Variants in HLA-DMA observed in about 807,000 individuals in gnomAD.
The protein encoded by HLA-DMA is major histocompatibility complex, class II, DM alpha.
In HLA-DMA, 20 loss-of-function variants were observed where a neutral mutation model predicts 27.3. The ratio of observed to expected loss-of-function variants is 0.73; its 90% CI spans 0.52 to 1.07. The LOEUF (loss-of-function observed/expected upper bound fraction) is 1.07. Ranked by LOEUF, HLA-DMA falls within the 50% of genes least tolerant of loss-of-function variation. The pLI is 0.00. For missense variants in HLA-DMA, 241 were observed against 321.7 expected (o/e 0.75, Z 1.92); for synonymous variants, 111 against 126.8 (o/e 0.88, Z 0.83).
intron 1 of HLA-DMA, chr6:32,952,163 G>A (rs1023391929): frequency 2.6e-6 from 1 of 380,778 alleles, no homozygotes; most frequent in African/African-American, 2.1e-5. Flanking sequence ...ATTGACTAGA[G>A]AAGGCCATGG....
rs748221547 is a variant in HLA-DMA, at chr6:32,949,773, G to A, written c.490C>T (p.His164Tyr). ...PPMLTVNWQHHSVPVEGFGPT... is the reference protein window; with the variant it reads ...PPMLTVNWQHYSVPVEGFGPT... ...CCAAATCCTTCCACAGGGACGGAAT[G>A]ATGCTGCCAGTTCACTGTCAGCATG... The change falls in exon 3 of 5, where the codon CAT becomes TAT. Residue 164 changes from histidine to tyrosine, a missense_variant. Transcript: ENST00000374843. This position sits in a 1 kb window ranked among gnomAD's most constrained non-coding sequence, Gnocchi z 5.8. 6.2e-7 allele frequency: 1 copy of A among 1,613,148 alleles called. No individual in the cohort carries two copies. Among genetic ancestry groups the A allele is most frequent in the South Asian group, 1.1e-5 (1 of 91,090 alleles).
rs780510196 is a variant in HLA-DMA, at chr6:32,950,699, C to T, written c.193G>A (p.Glu65Lys). ...PSVGLSEAYDEDQLFFFDFSQ... is the reference protein window; with the variant it reads ...PSVGLSEAYDKDQLFFFDFSQ... ...AAGTCGAAGAAGAAAAGCTGGTCCT[C>T]GTCGTAGGCCTCAGAGAGTCCCACA... Residue 65 changes from glutamate (E) to lysine (K), a missense_variant, in exon 2 of 5, where the codon GAG becomes AAG. Transcript: ENST00000374843. This position sits in a 1 kb window ranked among gnomAD's most constrained non-coding sequence, Gnocchi z 5.0. 2.7e-5 allele frequency: 43 copies of T among 1,612,956 alleles called. No individual in the cohort carries two copies. Among genetic ancestry groups the T allele is most frequent in the Non-Finnish European group, 3.3e-5 (39 of 1,180,042 alleles).
intron 1 of HLA-DMA, chr6:32,952,431 C>T (rs1173461669): frequency 1.1e-5 from 5 of 471,768 alleles, no homozygotes; most frequent in Admixed American, 2.3e-5. Flanking sequence ...CTTTGAAGCT[C>T]TTGGCAGGAA....
intron 1 of HLA-DMA, among the ~76,000 whole-genome samples, chr6:32,951,912 G>C (rs1053390340): frequency 3.9e-5 from 6 of 152,108 alleles, no homozygotes; most frequent in Non-Finnish European, 5.9e-5. Flanking sequence ...CTGGGTGACA[G>C]AGCGAGATGC....
intron 1 of HLA-DMA, among the ~76,000 whole-genome samples, chr6:32,952,129 G>C (rs751447349): frequency 4.6e-5 from 7 of 152,114 alleles, no homozygotes; most frequent in Admixed American, 3.3e-4. Flanking sequence ...GGATTCCTTT[G>C]TCTAATTCAT....
At chr6:32,952,264 C>T (rs1776936506) in intron 1 of HLA-DMA, 2 of 466,500 alleles carry the variant, frequency 4.3e-6, no homozygotes, top group Non-Finnish European at 8.9e-6. Context: ...TCCCCAGACA[C>T]AAATGGTAAA....
Position 32,949,390 on chromosome 6 carries a change from T to C in HLA-DMA, c.662A>G (p.Asn221Ser). The C allele has an allele frequency of 1.2e-6, 2 of 1,613,968 alleles. No homozygotes were observed. Among genetic ancestry groups the C allele is most frequent in the South Asian group, 1.1e-5 (1 of 91,058 alleles). The part of the protein sequence containing the change: ...YTAIAYWVPR[N>S]ALPSDLLENV... ...CTCCAGCAGATCTGAGGGCAGTGCG[T>C]TCCGGGGTACTGGAGGAAATGAGTG... Residue 221 changes from asparagine (N) to serine (S), a missense_variant, in exon 4 of 5, where the codon AAC becomes AGC. Transcript: ENST00000374843. This position sits in a 1 kb window ranked among gnomAD's most constrained non-coding sequence, Gnocchi z 5.8.
chr6:32,949,730 G>A lies in HLA-DMA; in HGVS notation c.533C>T (p.Ala178Val), dbSNP rs914644564. 6.2e-7 allele frequency: 1 copy of A among 1,613,118 alleles called. No individual in the cohort carries two copies. The highest frequency in any genetic ancestry group is 8.5e-7 in the Non-Finnish European group (1 of 1,180,040). ...GGCCTGGAAGCTGAGTCCATCGACA[G>A]CTGAGACAAAAGTAGGCCCAAATCC... is the stretch of plus-strand genomic sequence containing the variant. ...VEGFGPTFVS[A>V]VDGLSFQAFS... Residue 178 changes from alanine (A) to valine (V), a missense_variant, in exon 3 of 5, where the codon GCT becomes GTT. By Grantham distance (64) the Ala-to-Val change is moderately conservative. Coordinates refer to ENST00000374843, the MANE Select transcript of HLA-DMA (RefSeq NM_006120.4). The surrounding 1 kb of genome is among the most constrained non-coding windows in gnomAD (Gnocchi z 5.8).
At chr6:32,948,950 G>A (rs1776768647) in intron 4 of HLA-DMA, 82 bp from the exon 5 acceptor site, 3 of 1,523,386 alleles carry the variant, frequency 2.0e-6, no homozygotes, top group South Asian at 1.2e-5. Context: ...CCCCCACAAA[G>A]GCCTTGCTCG....
chr6:32,949,966 A>G lies in HLA-DMA; in HGVS notation c.374-77T>C. On this transcript the variant is annotated intron_variant, in intron 2 of 4. Coordinates refer to ENST00000374843, the MANE Select transcript of HLA-DMA (RefSeq NM_006120.4). This position sits in a 1 kb window ranked among gnomAD's most constrained non-coding sequence, Gnocchi z 5.8. ...TCTCTGTGTTTGGAGGGGCCATGGCATATGGAGGGGAGGGCAGAGAAGAAC... is the reference window on the plus strand; with the variant it reads ...TCTCTGTGTTTGGAGGGGCCATGGCGTATGGAGGGGAGGGCAGAGAAGAAC... 2 of 1,421,584 alleles carry G rather than the reference A, an allele frequency of 1.4e-6. No individual in the cohort carries two copies. The highest frequency in any genetic ancestry group is 1.4e-5 in the African/African-American group (1 of 70,904). 88.1% of individuals were successfully genotyped at this position (1,421,584 alleles called of 1,614,324 possible).
At position 32,948,705 on chromosome 6, in the gene HLA-DMA, G is replaced by A; in HGVS notation, c.*159C>T. 4.9e-6 allele frequency: 4 copies of A among 818,720 alleles called. No homozygotes were observed. The highest frequency in any genetic ancestry group is 8.3e-6 in the Non-Finnish European group (4 of 482,722). The allele number at this position is 818,720 out of a possible 1,614,324, so 50.7% of individuals were successfully genotyped here. ...CTGGGATCCCTGGGATGCAAGCCCA[G>A]GGACAGCAGAGTCCCCAGGTGGGAA... is the stretch of plus-strand genomic sequence containing the variant. On this transcript the variant is annotated 3_prime_UTR_variant, in exon 5 of 5. Coordinates refer to ENST00000374843, the MANE Select transcript of HLA-DMA (RefSeq NM_006120.4).
At chr6:32,952,197 G>T (rs1776932896) in intron 1 of HLA-DMA, 2 of 399,948 alleles carry the variant, frequency 5.0e-6, no homozygotes, top group South Asian at 1.9e-5. Flanking sequence ...TCTTAGAAGG[G>T]AAAGAGGAGG....
rs781461071 is a variant in HLA-DMA, at chr6:32,948,793, G to T, written c.*71C>A. ...TACCCTAAGAGGAGATCCTGGGCAGGATGTGAGAAATCTGAGCATCCTCTG... is the reference window on the plus strand; with the variant it reads ...TACCCTAAGAGGAGATCCTGGGCAGTATGTGAGAAATCTGAGCATCCTCTG... On this transcript the variant is annotated 3_prime_UTR_variant, in exon 5 of 5. Coordinates refer to ENST00000374843, the MANE Select transcript of HLA-DMA (RefSeq NM_006120.4). 3 of 1,572,306 alleles carry T rather than the reference G, an allele frequency of 1.9e-6. No homozygotes were observed. Among genetic ancestry groups the T allele is most frequent in the Non-Finnish European group, 2.6e-6 (3 of 1,142,048 alleles).
In HLA-DMA at chr6:32,950,660, G is replaced by A. The variant is rs765158083; in HGVS notation, c.232C>T (p.Arg78Trp). ...GCAAATTCGGGCAGGCGAGGCACCCGAGTGTTCTGGGAAAAGTCGAAGAAG... is the reference window on the plus strand; with the variant it reads ...GCAAATTCGGGCAGGCGAGGCACCCAAGTGTTCTGGGAAAAGTCGAAGAAG... ...LFFFDFSQNT[R>W]VPRLPEFADW... The change falls in exon 2 of 5, where the codon CGG (arginine) becomes TGG (tryptophan). Residue 78 changes from arginine (R) to tryptophan (W), a missense_variant. By Grantham distance (101) the Arg-to-Trp change is moderately radical (BLOSUM62 -3). Coordinates refer to ENST00000374843, the MANE Select transcript of HLA-DMA (RefSeq NM_006120.4). The surrounding 1 kb of genome is among the most constrained non-coding windows in gnomAD (Gnocchi z 5.0). 1.9e-6 allele frequency: 3 copies of A among 1,613,050 alleles called. No homozygotes were observed. The highest frequency in any genetic ancestry group is 1.3e-5 in the African/African-American group (1 of 75,018).
chr6:32,950,026 G>C lies in HLA-DMA; in HGVS notation c.374-137C>G. 2.5e-6 allele frequency: 2 copies of C among 807,920 alleles called. No individual in the cohort carries two copies. The highest frequency in any genetic ancestry group is 3.9e-6 in the Non-Finnish European group (2 of 516,766). The allele number at this position is 807,920 out of a possible 1,614,324, so 50.0% of individuals were successfully genotyped here. ...CAGGCTTTGGGAGACAGAGATGAGC[G>C]AGGAGCTGGGCTCTGAAGGGAGGTC... On this transcript the variant is annotated intron_variant, in intron 2 of 4. Transcript: ENST00000374843. This position sits in a 1 kb window ranked among gnomAD's most constrained non-coding sequence, Gnocchi z 5.0.
rs1473899311 is a variant in HLA-DMA at position 32,949,002 on chromosome 6, T to C, written c.782-134A>G. The C allele has an allele frequency of 7.4e-6, 8 of 1,080,584 alleles. No individual in the cohort carries two copies. The highest frequency in any genetic ancestry group is 1.6e-5 in the African/African-American group (1 of 63,390). The allele number at this position is 1,080,584 out of a possible 1,614,324, so 66.9% of individuals were successfully genotyped here. A position where few individuals can be genotyped will look rare whatever the true frequency, so the allele number is the denominator to read the frequency against. On this transcript the variant is annotated intron_variant, in intron 4 of 4. Transcript: ENST00000374843. This position sits in a 1 kb window ranked among gnomAD's most constrained non-coding sequence, Gnocchi z 5.8. Reference sequence around the variant, plus strand: ...CCCTGCAGAAGTTGATCTCTCCTTGTTCCCAAATCATCTCCAAGCACCCTT... The same window carrying C: ...CCCTGCAGAAGTTGATCTCTCCTTGCTCCCAAATCATCTCCAAGCACCCTT...
At position 32,950,730 on chromosome 6, in the gene HLA-DMA, A is replaced by G; in HGVS notation, c.162T>C (p.Ser54=). Residue 54 remains serine (S), a synonymous_variant, in exon 2 of 5, where the codon AGT becomes AGC. Coordinates refer to ENST00000374843, the MANE Select transcript of HLA-DMA (RefSeq NM_006120.4). This position sits in a 1 kb window ranked among gnomAD's most constrained non-coding sequence, Gnocchi z 5.0. ...AGGCCTCAGAGAGTCCCACACTGGG[A>G]CTCCCATCCTGGCAGTACACTGTGT... ...FLHTVYCQDG[S]PSVGLSEAYD... is the part of the protein sequence containing the mutation. The G allele has an allele frequency of 6.2e-7, 1 of 1,612,666 alleles. No homozygotes were observed. The highest frequency in any genetic ancestry group is 8.5e-7 in the Non-Finnish European group (1 of 1,179,934).
rs916892571 is a variant in HLA-DMA, at chr6:32,949,895, G to C, written c.374-6C>G. The C allele has an allele frequency of 6.2e-7, 1 of 1,611,472 alleles. No individual in the cohort carries two copies. The highest frequency in any genetic ancestry group is 1.7e-5 in the Admixed American group (1 of 59,970). ...CACTTCAGCGATAGGAAACCCTGGT[G>C]GGGGGATTGAAGTGTAGGGGGAAAA... On this transcript the variant is annotated splice_region_variant and splice_polypyrimidine_tract_variant and intron_variant, in intron 2 of 4. Transcript: ENST00000374843. The surrounding 1 kb of genome is among the most constrained non-coding windows in gnomAD (Gnocchi z 5.8).
chr6:32,952,216 C>A (rs1776933836), intron 1 of HLA-DMA: 2 of 418,604 alleles, frequency 4.8e-6, no homozygotes, highest in Non-Finnish European at 9.9e-6. Flanking sequence ...GGAATGGCTA[C>A]AGCCTCCCCA....
Sources: allele counts gnomAD v4.1 joint callset (sites outside exome capture counted in the v4.1 genomes callset), GRCh38; gene constraint gnomAD v4.1.1; non-coding constraint Gnocchi (gnomAD v3.1); transcripts MANE v1.5; gene names NCBI Gene and HGNC (gene_info 2026-07-23, HGNC 2026-07-21).